Variants in FBN1 observed in about 807,000 individuals in gnomAD.
FBN1 encodes the protein fibrillin 1.
In FBN1, 29 loss-of-function variants were observed where a neutral mutation model predicts 365.1. That is an observed-to-expected ratio of 0.08 (90% CI 0.06 to 0.11). The LOEUF is 0.11. Among genes scored for constraint, FBN1 ranks in the 10% least tolerant of loss-of-function variants. The probability of loss-of-function intolerance (pLI) is 1.00; values close to 1 mark genes in which losing one functional copy is unlikely to be tolerated. For synonymous variants in FBN1, 1,210 were observed against 1,270.5 expected, an observed-to-expected ratio of 0.95 and a Z score of 1.01; for missense variants, 2,476 against 3,703.2, an observed-to-expected ratio of 0.67 and a Z score of 8.60.
intron 13 of FBN1, among the ~76,000 whole-genome samples, chr15:48,510,836 C>T (rs554972823): frequency 6.6e-6 from 1 of 152,224 alleles, no homozygotes; most frequent in African/African-American, 2.4e-5. Context: ...GTTAAAATAA[C>T]AATAACTGAA....
chr15:48,427,555 T>C lies in FBN1; in HGVS notation c.7204+12A>G, dbSNP rs769953412. The stretch of plus-strand genomic sequence containing the variant: ...ATTCCCTGCAAGTATTTTTGGACTA[T>C]AAATGAAGTACCTGCTCCATTGGTC... On this transcript the variant is annotated intron_variant, in intron 58 of 65. Transcript: ENST00000316623. 3 of 1,610,082 alleles carry C rather than the reference T, an allele frequency of 1.9e-6. No homozygotes were observed. Among genetic ancestry groups the C allele is most frequent in the Non-Finnish European group, 2.5e-6 (3 of 1,176,590 alleles).
chr15:48,552,862 A>G (rs986422294), intron 6 of FBN1, among the ~76,000 whole-genome samples: 2 of 152,290 alleles, frequency 1.3e-5, no homozygotes, highest in Non-Finnish European at 2.9e-5. Flanking sequence ...CAAGTGCATA[A>G]CCAAATTTTA....
intron 64 of FBN1, among the ~76,000 whole-genome samples, chr15:48,413,772 A>C (rs1187370797): frequency 6.6e-6 from 1 of 152,218 alleles, no homozygotes; most frequent in Non-Finnish European, 1.5e-5. Flanking sequence ...GTAATAGCTG[A>C]TCTGCTCTTT....
At chr15:48,525,468 G>A (rs896616005) in intron 9 of FBN1, among the ~76,000 whole-genome samples, 1 of 152,156 alleles carries the variant, frequency 6.6e-6, no homozygotes, top group Admixed American at 6.5e-5. Context: ...AGCAGATAAA[G>A]TGAAATTGCT....
chr15:48,578,510 G>C (rs2140682914), intron 6 of FBN1, among the ~76,000 whole-genome samples: 1 of 152,030 alleles, frequency 6.6e-6, no homozygotes, highest in East Asian at 1.9e-4. Context: ...GCATCTCCAA[G>C]TCTTTTGGGT....
At chr15:48,561,936 T>C (rs1001189114) in intron 6 of FBN1, among the ~76,000 whole-genome samples, 2 of 152,158 alleles carry the variant, frequency 1.3e-5, no homozygotes, top group Non-Finnish European at 2.9e-5. Flanking sequence ...TTAGTGTCCA[T>C]AAGAACCACT....
chr15:48,495,235 C>T lies in FBN1; in HGVS notation c.2565G>A (p.Gln855=), dbSNP rs748414669. The T allele has an allele frequency of 4.3e-6, 7 of 1,614,022 alleles. No homozygotes were observed. In the South Asian group the frequency reaches 7.7e-5, roughly 18 times the overall value. Residue 855 remains glutamine (Q), a synonymous_variant, in exon 22 of 66, where the codon CAG becomes CAA. Coordinates refer to ENST00000316623, the MANE Select transcript of FBN1 (RefSeq NM_000138.5). The part of the protein sequence containing the change: ...CIETIKGTCW[Q]TVIDGRCEIN... ...TCTCACATCGCCCATCAATGACAGT[C>T]TGCCAGCAAGTGCCCTTGATGGTTT...
At chr15:48,534,318 T>G in intron 7 of FBN1, 113 bp from the exon 8 acceptor site, 1 of 1,093,150 alleles carries the variant, frequency 9.1e-7, no homozygotes, top group Non-Finnish European at 1.3e-6. Context: ...ATCGGTGAGT[T>G]ATTTGTCCAT....
At chr15:48,619,011 T>C (rs1337931495) in intron 2 of FBN1, among the ~76,000 whole-genome samples, 1 of 152,142 alleles carries the variant, frequency 6.6e-6, no homozygotes, top group African/African-American at 2.4e-5. Flanking sequence ...TATATTACAA[T>C]GTAATAATAA....
chr15:48,597,044 C>T (rs931416239), intron 5 of FBN1, among the ~76,000 whole-genome samples: 2 of 152,206 alleles, frequency 1.3e-5, no homozygotes, highest in Non-Finnish European at 2.9e-5. Flanking sequence ...TGGGCTCTTT[C>T]TAGGCATCTT....
At chr15:48,519,339 A>G (rs1370451246) in intron 10 of FBN1, among the ~76,000 whole-genome samples, 1 of 152,222 alleles carries the variant, frequency 6.6e-6, no homozygotes, top group Non-Finnish European at 1.5e-5. Context: ...ATGTTGCCTA[A>G]TAAGTTGCTC....
At chr15:48,537,520 C>T in intron 7 of FBN1, 91 bp downstream of exon 7, 1 of 1,510,718 alleles carries the variant, frequency 6.6e-7, no homozygotes, top group East Asian at 2.3e-5. Context: ...GTAGCTGACA[C>T]TACTTTTCCA....
At chr15:48,640,512 T>C (rs1294823847) in intron 2 of FBN1, among the ~76,000 whole-genome samples, 1 of 152,242 alleles carries the variant, frequency 6.6e-6, no homozygotes, top group Non-Finnish European at 1.5e-5. Context: ...CTATTACAGT[T>C]CTTTATTTTA....
intron 44 of FBN1, 119 bp downstream of exon 44, chr15:48,456,518 C>G: frequency 9.8e-7 from 1 of 1,022,640 alleles, no homozygotes. Flanking sequence ...ATGCCCTTTA[C>G]TATTTCTAGA....
At chr15:48,527,417 G>A (rs949755220) in intron 8 of FBN1, among the ~76,000 whole-genome samples, 1 of 152,218 alleles carries the variant, frequency 6.6e-6, no homozygotes, top group Non-Finnish European at 1.5e-5. Flanking sequence ...TCAGGGCACA[G>A]GGAATCTGCA....
chr15:48,606,379 C>CA (rs2044610012), intron 4 of FBN1, among the ~76,000 whole-genome samples: 1 of 152,098 alleles, frequency 6.6e-6, no homozygotes, highest in Admixed American at 6.6e-5. Flanking sequence ...GTGGTACATC[C>CA]ATAGCATGTA....
At chr15:48,583,291 T>G (rs1367162269) in intron 6 of FBN1, among the ~76,000 whole-genome samples, 1 of 152,220 alleles carries the variant, frequency 6.6e-6, no homozygotes, top group African/African-American at 2.4e-5. Flanking sequence ...TTAACAAAAC[T>G]GAACACTAAC....
At chr15:48,592,755 C>G (rs1285514365) in intron 6 of FBN1, among the ~76,000 whole-genome samples, 1 of 152,168 alleles carries the variant, frequency 6.6e-6, no homozygotes, top group Non-Finnish European at 1.5e-5. Flanking sequence ...AACTTGAATG[C>G]TCACAAGGGC....
intron 24 of FBN1, 152 bp from the exon 25 acceptor site, chr15:48,490,230 G>GA: frequency 4.1e-6 from 3 of 728,662 alleles, no homozygotes; most frequent in Non-Finnish European, 7.1e-6. Flanking sequence ...AAAAACCCCA[G>GA]GCTCTGGGGT....
Sources: allele counts gnomAD v4.1 joint callset (sites outside exome capture counted in the v4.1 genomes callset), GRCh38; gene constraint gnomAD v4.1.1; transcripts MANE v1.5; gene names NCBI Gene and HGNC (gene_info 2026-07-23, HGNC 2026-07-21).